The following NELL1 variants were observed in gnomAD, a reference collection of about 807,000 sequenced individuals.
NELL1 encodes the protein protein kinase C-binding protein NELL1.
A neutral mutation model predicts 107.4 loss-of-function variants in NELL1; 76 were observed. That is an observed-to-expected ratio of 0.71 (90% CI 0.59 to 0.86). The LOEUF is 0.86. Among genes scored for constraint, NELL1 ranks in the 40% least tolerant of loss-of-function variants. The pLI, the probability that NELL1 is intolerant of heterozygous loss-of-function variation, is 0.00. For synonymous variants in NELL1, 353 were observed against 341.2 expected (o/e 1.03, Z -0.38); for missense variants, 1,024 against 1,005.5 (o/e 1.02, Z -0.25).
At chr11:20,906,803 A>T (rs1028431670) in intron 5 of NELL1, among the ~76,000 whole-genome samples, 1 of 152,120 alleles carries the variant, frequency 6.6e-6, no homozygotes, top group African/African-American at 2.4e-5. Flanking sequence ...TCTTGTCATG[A>T]TAAAAACACT....
intron 17 of NELL1, among the ~76,000 whole-genome samples, chr11:21,563,121 G>A (rs77472000): frequency 0.019 from 2,883 of 152,118 alleles, 98 homozygotes; most frequent in African/African-American, 0.066. Context: ...TAGACCACAG[G>A]AACCCAGATG....
chr11:21,369,101 G>T (rs973086327), intron 14 of NELL1, among the ~76,000 whole-genome samples: 4 of 152,014 alleles, frequency 2.6e-5, no homozygotes, highest in African/African-American at 9.7e-5. Flanking sequence ...TAGATGAAGT[G>T]CAGTTTCAAC....
intron 14 of NELL1, among the ~76,000 whole-genome samples, chr11:21,345,899 C>T (rs555504058): frequency 2.0e-5 from 3 of 152,324 alleles, no homozygotes; most frequent in South Asian, 2.1e-4. Flanking sequence ...CTTGCAATCA[C>T]AGTGTGCTTC....
rs143790854 is a variant in NELL1, at chr11:21,233,425, T to G, written c.1549+3971T>G. ...CTTTGTCCTCCTCCTTTTCCTTCTC[T>G]TTTTATTTCCTCCTCCTCTCTTGGC... On this transcript the variant is annotated intron_variant, in intron 14 of 19. Coordinates refer to ENST00000357134, the MANE Select transcript of NELL1 (RefSeq NM_006157.5). 4.1e-3 allele frequency among the ~76,000 whole-genome samples: 628 copies of G among 152,314 alleles called. 3 individuals carry two copies. The highest frequency in any genetic ancestry group is 0.014 in the African/African-American group (580 of 41,564).
At chr11:21,285,479 T>C (rs750053019) in intron 14 of NELL1, among the ~76,000 whole-genome samples, 6 of 152,238 alleles carry the variant, frequency 3.9e-5, no homozygotes, top group Admixed American at 6.5e-5. Flanking sequence ...AGAGCTGACA[T>C]AGAATGCTTC....
At chr11:21,545,595 A>T (rs1006156855) in intron 16 of NELL1, among the ~76,000 whole-genome samples, 4 of 152,046 alleles carry the variant, frequency 2.6e-5, no homozygotes, top group African/African-American at 7.2e-5. Context: ...CAACAGGAGA[A>T]GCTTTTTAGT....
chr11:21,500,796 A>T (rs181735589), intron 15 of NELL1, among the ~76,000 whole-genome samples: 1 of 152,090 alleles, frequency 6.6e-6, no homozygotes, highest in Non-Finnish European at 1.5e-5. Context: ...CCTCATTTGA[A>T]CTTTATTCCT....
At chr11:21,414,418 T>C (rs1389317259) in intron 15 of NELL1, among the ~76,000 whole-genome samples, 2 of 152,058 alleles carry the variant, frequency 1.3e-5, no homozygotes, top group African/African-American at 4.8e-5. Flanking sequence ...TGTATATACA[T>C]TATGAACATT....
At chr11:20,769,580 A>C (rs1856601213) in intron 2 of NELL1, 1 of 152,306 alleles carries the variant, frequency 6.6e-6, no homozygotes. Flanking sequence ...CCACAAATAC[A>C]TCTTTGAATG....
chr11:20,768,686 A>G (rs1314212387), intron 2 of NELL1, among the ~76,000 whole-genome samples: 1 of 152,182 alleles, frequency 6.6e-6, no homozygotes, highest in Non-Finnish European at 1.5e-5. Context: ...TAGAAAAGTG[A>G]TGTGAAGATG....
chr11:20,784,596 A>C (rs1159153515), intron 3 of NELL1, among the ~76,000 whole-genome samples: 1 of 152,202 alleles, frequency 6.6e-6, no homozygotes, highest in African/African-American at 2.4e-5. Flanking sequence ...GCAAAGCTTC[A>C]ATGCCATGTT....
chr11:20,708,068 G>A (rs1020627868), intron 2 of NELL1, among the ~76,000 whole-genome samples: 4 of 152,328 alleles, frequency 2.6e-5, no homozygotes, highest in East Asian at 1.9e-4. Context: ...TCCCAGCCTC[G>A]CTGCTGCTTT....
At position 20,669,911 on chromosome 11, in the gene NELL1, T is replaced by C. The variant is rs969651672; in HGVS notation, c.55+133T>C. 18 of 742,332 alleles carry C rather than the reference T, an allele frequency of 2.4e-5. No homozygotes were observed. The African/African-American group carries it at 3.1e-4, about 13-fold the overall frequency. 46.0% of individuals were successfully genotyped at this position (742,332 alleles called of 1,614,324 possible). A position where few individuals can be genotyped will look rare whatever the true frequency, so the allele number is the denominator to read the frequency against. On this transcript the variant is annotated intron_variant, in intron 1 of 19. Transcript: ENST00000357134. This position sits in a 1 kb window ranked among gnomAD's most constrained non-coding sequence, Gnocchi z 4.4. ...CGGTAGCGTGGACCGGTTCCTGGGATCTCTTTGCCCTGCTCGGAGTGACAG... is the reference window on the plus strand; with the variant it reads ...CGGTAGCGTGGACCGGTTCCTGGGACCTCTTTGCCCTGCTCGGAGTGACAG...
At chr11:21,476,049 A>G (rs1026249422) in intron 15 of NELL1, among the ~76,000 whole-genome samples, 4 of 152,318 alleles carry the variant, frequency 2.6e-5, no homozygotes, top group Non-Finnish European at 2.9e-5. Context: ...TTAATTACTC[A>G]TAATTTTTCT....
At chr11:21,376,226 A>G (rs1851474201) in intron 15 of NELL1, among the ~76,000 whole-genome samples, 1 of 152,076 alleles carries the variant, frequency 6.6e-6, no homozygotes, top group Admixed American at 6.6e-5. Flanking sequence ...TTTTTTGTAT[A>G]TGGTGAAAGG....
chr11:20,984,329 A>C (rs921357730), intron 12 of NELL1, among the ~76,000 whole-genome samples: 2 of 152,196 alleles, frequency 1.3e-5, no homozygotes, highest in African/African-American at 4.8e-5. Flanking sequence ...TCTGAAGCCA[A>C]ACAGATCTGA....
At chr11:20,683,438 G>A (rs914302336) in intron 2 of NELL1, among the ~76,000 whole-genome samples, 1 of 151,968 alleles carries the variant, frequency 6.6e-6, no homozygotes, top group Non-Finnish European at 1.5e-5. Context: ...TTCCCTATAG[G>A]TAGTGTTTCA....
intron 13 of NELL1, among the ~76,000 whole-genome samples, chr11:21,137,276 T>A (rs1299090775): frequency 6.6e-6 from 1 of 152,186 alleles, no homozygotes; most frequent in Non-Finnish European, 1.5e-5. Flanking sequence ...GAGAACCCCA[T>A]GTAGAGACCT....
intron 12 of NELL1, among the ~76,000 whole-genome samples, chr11:21,020,480 A>G (rs144369551): frequency 6.6e-6 from 1 of 152,248 alleles, no homozygotes; most frequent in Non-Finnish European, 1.5e-5. Context: ...ATCTGAAGCC[A>G]TCTGAGAAGA....
Sources: allele counts gnomAD v4.1 joint callset (sites outside exome capture counted in the v4.1 genomes callset), GRCh38; gene constraint gnomAD v4.1.1; non-coding constraint Gnocchi (gnomAD v3.1); transcripts MANE v1.5; gene names NCBI Gene and HGNC (gene_info 2026-07-23, HGNC 2026-07-21).